Variants in RPL35A observed in about 807,000 individuals in gnomAD.
The protein encoded by RPL35A is ribosomal protein L35a.
Under a neutral mutation model 16.7 loss-of-function variants are expected in RPL35A, and 1 was observed. That is an observed-to-expected ratio of 0.06 (90% confidence interval 0.02 to 0.28). RPL35A has a LOEUF of 0.28. RPL35A is among the 10% of genes least tolerant of loss of function. The pLI is 1.00. For synonymous variants in RPL35A, 58 were observed against 47.0 expected (o/e 1.23, Z -0.96); for missense variants, 91 against 138.7 (o/e 0.66, Z 1.73).
chr3:197,952,719 C>G (rs1720213714), intron 3 of RPL35A: 1 of 152,246 alleles, frequency 6.6e-6, no homozygotes, highest in East Asian at 1.9e-4. Flanking sequence ...GTCTTGAACT[C>G]CTGACCTCAA....
chr3:197,953,704 C>T (rs894401631), intron 3 of RPL35A: 1 of 462,224 alleles, frequency 2.2e-6, no homozygotes, highest in Admixed American at 3.3e-5. Context: ...CACACTTGTC[C>T]TTTTTTGCTA....
intron 2 of RPL35A, 57 bp downstream of exon 2, chr3:197,951,035 G>A: frequency 1.2e-6 from 2 of 1,604,118 alleles, no homozygotes; most frequent in South Asian, 1.1e-5. Flanking sequence ...ACGTAAATGC[G>A]AGCTTAAAAT....
At chr3:197,953,884 A>C (rs1331787622) in intron 3 of RPL35A, 119 bp from the exon 4 acceptor site, 2 of 909,676 alleles carry the variant, frequency 2.2e-6, no homozygotes, top group East Asian at 5.0e-5. Flanking sequence ...TAGGCATTTA[A>C]AGTTTCTCAG....
intron 4 of RPL35A, 42 bp downstream of exon 4, chr3:197,954,189 A>C (rs201615624): frequency 7.5e-6 from 12 of 1,609,128 alleles, no homozygotes; most frequent in Non-Finnish European, 9.4e-6. Context: ...GATGAATCAG[A>C]CTAGGTTCAA....
intron 3 of RPL35A, among the ~76,000 whole-genome samples, chr3:197,951,862 T>G (rs760866468): frequency 6.6e-6 from 1 of 152,040 alleles, no homozygotes. Context: ...CACGCCCGGC[T>G]AATTTTTGTA....
intron 4 of RPL35A, chr3:197,954,460 A>G (rs1424704813): frequency 4.8e-6 from 2 of 414,376 alleles, no homozygotes; most frequent in Non-Finnish European, 9.0e-6. Flanking sequence ...CAGCCCCCCA[A>G]GTAGCTGGGA....
Position 197,954,110 on chromosome 3 carries a change from A to G in RPL35A, c.272A>G (p.Asn91Ser), listed in dbSNP as rs1720342729. The G allele has an allele frequency of 2.5e-6, 4 of 1,614,050 alleles. No homozygotes were observed. Among genetic ancestry groups the G allele is most frequent in the African/African-American group, 2.7e-5 (2 of 74,928 alleles). ...SGMVRAKFRS[N>S]LPAKAIGHRI... ...ATGGTTCGTGCCAAATTCCGAAGCA[A>G]TCTTCCTGCTAAGGCCATTGGACAC... The change falls in exon 4 of 5, where the codon AAT (asparagine) becomes AGT (serine). Residue 91 changes from asparagine (N) to serine (S), a missense_variant. Transcript: ENST00000647248.
intron 3 of RPL35A, among the ~76,000 whole-genome samples, chr3:197,952,063 T>A (rs975613615): frequency 6.6e-6 from 1 of 152,204 alleles, no homozygotes; most frequent in Non-Finnish European, 1.5e-5. Flanking sequence ...GTGATCCTTT[T>A]AAGGTTTCTA....
intron 3 of RPL35A, among the ~76,000 whole-genome samples, chr3:197,953,330 T>G (rs1280295654): frequency 6.6e-6 from 1 of 152,180 alleles, no homozygotes; most frequent in African/African-American, 2.4e-5. Flanking sequence ...GAGCTATGAT[T>G]GGGCCACTGT....
chr3:197,953,407 T>C (rs894140078), intron 3 of RPL35A: 4 of 456,608 alleles, frequency 8.8e-6, no homozygotes, highest in African/African-American at 8.0e-5. Flanking sequence ...TCATATCCTT[T>C]GTACATTGCT....
chr3:197,954,980 TCTC>T (rs1367549817), intron 4 of RPL35A, among the ~76,000 whole-genome samples: 1 of 152,178 alleles, frequency 6.6e-6, no homozygotes, highest in Non-Finnish European at 1.5e-5. Context: ...GAAAACAGAC[TCTC>T]ATGTTCCTAG....
intron 1 of RPL35A, 49 bp from the exon 2 acceptor site, chr3:197,950,887 G>A: frequency 3.8e-6 from 6 of 1,592,672 alleles, no homozygotes; most frequent in Non-Finnish European, 5.2e-6. Flanking sequence ...GGACGAGGTG[G>A]GAAACTTGTG....
intron 3 of RPL35A, among the ~76,000 whole-genome samples, chr3:197,952,105 T>C (rs1720143388): frequency 6.6e-6 from 1 of 152,074 alleles, no homozygotes; most frequent in Admixed American, 6.6e-5. Context: ...TGCCAGAATT[T>C]AAGGATTTTT....
chr3:197,952,041 ATTCC>A (rs1720138627), intron 3 of RPL35A, among the ~76,000 whole-genome samples: 1 of 151,958 alleles, frequency 6.6e-6, no homozygotes, highest in East Asian at 1.9e-4. Context: ...AAAGGAGGTA[ATTCC>A]TTATATTGTG....
At chr3:197,952,885 T>C (rs1720230854) in intron 3 of RPL35A, among the ~76,000 whole-genome samples, 6 of 151,392 alleles carry the variant, frequency 4.0e-5, no homozygotes, top group Non-Finnish European at 1.5e-5. Flanking sequence ...CAGGCTGGAG[T>C]GCAGTGGTGT....
At chr3:197,955,470 G>A (rs892551588) in intron 4 of RPL35A, among the ~76,000 whole-genome samples, 1 of 152,030 alleles carries the variant, frequency 6.6e-6, no homozygotes, top group African/African-American at 2.4e-5. Flanking sequence ...TACCATGTTG[G>A]CCAGGATGGT....
rs146539160 is a variant in RPL35A, at chr3:197,955,908, G to C, written c.*135G>C. The C allele has an allele frequency of 2.1e-3, 1,619 of 759,902 alleles. 14 individuals are homozygous for C. The African/African-American group carries it at 0.022, about 11-fold the overall frequency. The allele number at this position is 759,902 out of a possible 1,614,324, so 47.1% of individuals were successfully genotyped here. A position where few individuals can be genotyped will look rare whatever the true frequency, so the allele number is the denominator to read the frequency against. On this transcript the variant is annotated 3_prime_UTR_variant, in exon 5 of 5. Transcript: ENST00000647248. ...TTGCTCAGCATTTTTGGAGTACAAG[G>C]GGGTCAGAGAGACATGTGATGAAAA...
At chr3:197,950,302 G>A in intron 1 of RPL35A, 81 bp downstream of exon 1, 1 of 1,229,976 alleles carries the variant, frequency 8.1e-7, no homozygotes, top group Non-Finnish European at 1.0e-6. Context: ...AGTCGCCGGT[G>A]CGTATCGGAG....
intron 3 of RPL35A, among the ~76,000 whole-genome samples, chr3:197,951,999 G>A (rs1720135099): frequency 1.3e-5 from 2 of 152,058 alleles, no homozygotes; most frequent in African/African-American, 4.8e-5. Context: ...GGGTGGTGTT[G>A]GATTTAGGTA....
Sources: allele counts gnomAD v4.1 joint callset (sites outside exome capture counted in the v4.1 genomes callset), GRCh38; gene constraint gnomAD v4.1.1; transcripts MANE v1.5; gene names NCBI Gene and HGNC (gene_info 2026-07-23, HGNC 2026-07-21).